Variants in PCDH15 observed in about 807,000 individuals in gnomAD.
PCDH15 encodes protocadherin related 15.
A neutral mutation model predicts 178.5 loss-of-function variants in PCDH15; 129 were observed. That is an observed-to-expected ratio of 0.72 (90% CI 0.63 to 0.84). The LOEUF is 0.84. PCDH15 is among the 40% of genes least tolerant of loss of function. The pLI is 0.00. For synonymous variants in PCDH15, 800 were observed against 732.0 expected (o/e 1.09, Z -1.50); for missense variants, 2,230 against 2,099.9 (o/e 1.06, Z -1.21).
chr10:55,341,848 C>T (rs1844608392), intron 2 of PCDH15, among the ~76,000 whole-genome samples: 1 of 116,594 alleles, frequency 8.6e-6, no homozygotes, highest in African/African-American at 3.2e-5. Context: ...GATGGGGTTT[C>T]ACCATGTTGC....
chr10:54,071,115 T>A (rs2094233915), intron 17 of PCDH15, among the ~76,000 whole-genome samples: 1 of 152,212 alleles, frequency 6.6e-6, no homozygotes, highest in Non-Finnish European at 1.5e-5. Flanking sequence ...TAAGTCACTT[T>A]ATCTCATACA....
At chr10:55,142,423 T>C (rs1838379314) in intron 2 of PCDH15, among the ~76,000 whole-genome samples, 1 of 151,570 alleles carries the variant, frequency 6.6e-6, no homozygotes, top group Non-Finnish European at 1.5e-5. Context: ...GATTCAGATA[T>C]AGCTATAAAT....
intron 3 of PCDH15, among the ~76,000 whole-genome samples, chr10:54,380,336 C>T (rs1251869388): frequency 6.6e-6 from 1 of 151,532 alleles, no homozygotes; most frequent in East Asian, 1.9e-4. Flanking sequence ...AAATACACAA[C>T]CTACATACAA....
chr10:54,293,069 C>T (rs574557276), intron 8 of PCDH15, among the ~76,000 whole-genome samples: 16 of 152,232 alleles, frequency 1.1e-4, no homozygotes, highest in African/African-American at 3.1e-4. Flanking sequence ...TCAAACTATA[C>T]CACAAAGCTA....
intron 1 of PCDH15, among the ~76,000 whole-genome samples, chr10:54,776,935 A>C (rs1949771972): frequency 6.6e-6 from 1 of 152,178 alleles, no homozygotes. Context: ...AGAACTAGGG[A>C]GTGCGAAGAA....
At chr10:55,421,244 T>C (rs1371980286) in intron 2 of PCDH15, among the ~76,000 whole-genome samples, 3 of 151,380 alleles carry the variant, frequency 2.0e-5, no homozygotes, top group Admixed American at 6.6e-5. Context: ...GGCAAGAAGA[T>C]AAGACCATAA....
At chr10:53,981,970 C>T (rs2090686244) in intron 21 of PCDH15, among the ~76,000 whole-genome samples, 1 of 151,706 alleles carries the variant, frequency 6.6e-6, no homozygotes, top group Non-Finnish European at 1.5e-5. Flanking sequence ...AACAAATTTA[C>T]AAGAAAAAAA....
rs1039706371 is a variant in PCDH15 at position 55,398,672 on chromosome 10, T to A, written c.-156+228953A>T. Among the ~76,000 whole-genome samples, 3 of 152,288 alleles carry A rather than the reference T, an allele frequency of 2.0e-5. No homozygotes were observed. The South Asian group carries it at 6.2e-4, about 32-fold the overall frequency. On this transcript the variant is annotated intron_variant, in intron 2 of 5. Coordinates refer to the PCDH15 transcript ENST00000613346. The stretch of plus-strand genomic sequence containing the variant: ...CTTTCTAGTTTTATTTCCCTTTCAT[T>A]GCACTACTCACCATCTGGCATATTA...
At chr10:55,418,445 G>T (rs2132042468) in intron 2 of PCDH15, among the ~76,000 whole-genome samples, 1 of 151,826 alleles carries the variant, frequency 6.6e-6, no homozygotes, top group Middle Eastern at 3.4e-3. Flanking sequence ...GTGGAAAATA[G>T]GGACAAAATT....
intron 2 of PCDH15, among the ~76,000 whole-genome samples, chr10:55,622,130 T>A (rs868031577): frequency 1.6e-5 from 1 of 60,874 alleles, no homozygotes; most frequent in Non-Finnish European, 3.5e-5. Flanking sequence ...AATATATATA[T>A]TATATATATT....
At chr10:54,531,422 G>A (rs1343974711) in intron 2 of PCDH15, among the ~76,000 whole-genome samples, 1 of 152,144 alleles carries the variant, frequency 6.6e-6, no homozygotes, top group African/African-American at 2.4e-5. Flanking sequence ...AAAATCCAAA[G>A]AGGAGAATTA....
chr10:54,866,126 G>T (rs1013692488), intron 3 of PCDH15, among the ~76,000 whole-genome samples: 1 of 152,144 alleles, frequency 6.6e-6, no homozygotes, highest in Non-Finnish European at 1.5e-5. Flanking sequence ...GTCTACTTCA[G>T]CTATGCACTC....
rs148662774 is a variant in PCDH15 at position 55,455,928 on chromosome 10, C to G, written c.-156+171697G>C. Reference sequence around the variant, plus strand: ...TCAACCTGAGGCTGTCTTCTTACACCGAGTTCCTACGTAATGAACTACAAC... The same window carrying G: ...TCAACCTGAGGCTGTCTTCTTACACGGAGTTCCTACGTAATGAACTACAAC... On this transcript the variant is annotated intron_variant, in intron 2 of 5. Transcript: ENST00000613346. Among the ~76,000 whole-genome samples, 801 of 152,114 alleles carry G rather than the reference C, an allele frequency of 5.3e-3. 8 individuals are homozygous for G. Among genetic ancestry groups the G allele is most frequent in the African/African-American group, 0.019 (774 of 41,534 alleles).
At chr10:53,871,186 A>G (rs1328084446) in intron 26 of PCDH15, among the ~76,000 whole-genome samples, 3 of 151,658 alleles carry the variant, frequency 2.0e-5, no homozygotes, top group Non-Finnish European at 4.4e-5. Flanking sequence ...TAAAAAAAAA[A>G]AAAAATTAGC....
At chr10:54,858,440 G>C (rs1953780396) in intron 3 of PCDH15, among the ~76,000 whole-genome samples, 1 of 152,058 alleles carries the variant, frequency 6.6e-6, no homozygotes, top group African/African-American at 2.4e-5. Context: ...CCTTCATATA[G>C]TGCCCTAATT....
intron 1 of PCDH15, among the ~76,000 whole-genome samples, chr10:55,243,846 G>T (rs952500014): frequency 6.6e-6 from 1 of 152,014 alleles, no homozygotes; most frequent in Non-Finnish European, 1.5e-5. Context: ...TTGTTTAGAA[G>T]AAATCATCTG....
At chr10:55,137,598 G>C (rs988609016) in intron 2 of PCDH15, among the ~76,000 whole-genome samples, 1 of 110,664 alleles carries the variant, frequency 9.0e-6, no homozygotes, top group Non-Finnish European at 1.9e-5. Flanking sequence ...ATAGAAAATT[G>C]ACAAATTTAT....
intron 2 of PCDH15, chr10:55,599,860 G>A: frequency 7.5e-7 from 1 of 1,341,224 alleles, no homozygotes. Flanking sequence ...ACTTGCAAAG[G>A]TAGCATAATC....
intron 3 of PCDH15, among the ~76,000 whole-genome samples, chr10:54,841,568 T>C (rs1433784848): frequency 1.3e-5 from 2 of 151,438 alleles, no homozygotes. Context: ...CAACAAATAA[T>C]ATAAAGACAA....
Sources: gnomAD v4.1 joint callset for allele counts (sites outside exome capture counted in the v4.1 genomes callset) on GRCh38, gnomAD v4.1.1 for gene constraint, MANE v1.5 for transcripts, NCBI Gene and HGNC (gene_info 2026-07-23, HGNC 2026-07-21) for gene names.